NDUFA5: variants seen among roughly 807,000 people sequenced by gnomAD.
The protein encoded by NDUFA5 is NADH:ubiquinone oxidoreductase subunit A5.
Under a neutral mutation model 19.8 loss-of-function variants are expected in NDUFA5, and 11 were observed. That is an observed-to-expected ratio of 0.56 (90% CI 0.35 to 0.92). NDUFA5 has a LOEUF of 0.92. NDUFA5 is among the 40% of genes least tolerant of loss of function. The pLI, the probability that NDUFA5 is intolerant of heterozygous loss-of-function variation, is 0.01. For missense variants in NDUFA5, 109 were observed against 134.2 expected (o/e 0.81, Z 0.93); for synonymous variants, 47 against 46.8 (o/e 1.00, Z -0.01).
chr7:123,563,064 G>C, the NDUFA5 span, among the ~76,000 whole-genome samples: 1 of 152,114 alleles, frequency 6.6e-6, no homozygotes, highest in Admixed American at 6.6e-5. Flanking sequence ...GTCTCTGAAT[G>C]TGCTGGGGTT....
At chr7:123,544,791 A>G (rs933529887) in intron 4 of NDUFA5, among the ~76,000 whole-genome samples, 41 of 142,884 alleles carry the variant, frequency 2.9e-4, no homozygotes, top group Non-Finnish European at 4.6e-4. Context: ...AAAAAAAAAG[A>G]GTTATCATTA....
chr7:123,578,989 C>T, the NDUFA5 span, among the ~76,000 whole-genome samples: 3 of 152,028 alleles, frequency 2.0e-5, no homozygotes, highest in Admixed American at 6.6e-5. Flanking sequence ...GTTTGGGCTT[C>T]TATTGAACCC....
At chr7:123,590,963 CTTTTA>C in the NDUFA5 span, among the ~76,000 whole-genome samples, 265 of 152,228 alleles carry the variant, frequency 1.7e-3, no homozygotes, top group African/African-American at 6.3e-3. Flanking sequence ...TTTGTGTCTT[CTTTTA>C]TTTTATTGAG....
the NDUFA5 span, among the ~76,000 whole-genome samples, chr7:123,596,808 A>T: frequency 6.6e-6 from 1 of 152,242 alleles, no homozygotes; most frequent in Non-Finnish European, 1.5e-5. Flanking sequence ...AACAAAACAC[A>T]AATGCACATG....
chr7:123,597,466 G>GA, the NDUFA5 span, among the ~76,000 whole-genome samples: 4 of 152,108 alleles, frequency 2.6e-5, no homozygotes, highest in African/African-American at 4.8e-5. Flanking sequence ...CTATGTATAG[G>GA]AAAAAAACCA....
intron 2 of NDUFA5, chr7:123,557,158 C>T (rs768432515): frequency 4.4e-6 from 3 of 681,762 alleles, no homozygotes; most frequent in South Asian, 3.0e-5. Context: ...ACAAGTGAAG[C>T]CATGAAAATG....
Position 123,540,172 on chromosome 7 carries a change from T to C in NDUFA5, c.*1947A>G, listed in dbSNP as rs556637665. 3 of 152,334 alleles carry C rather than the reference T, an allele frequency of 2.0e-5. No individual in the cohort carries two copies. The South Asian group carries it at 6.2e-4, about 32-fold the overall frequency. The allele number at this position is 152,334 out of a possible 1,614,324, so 9.4% of individuals were successfully genotyped here. A position where few individuals can be genotyped will look rare whatever the true frequency, so the allele number is the denominator to read the frequency against. On this transcript the variant is annotated 3_prime_UTR_variant, in exon 5 of 5. Transcript: ENST00000355749. ...ATTTGTAGTATCACTCTTAGGGTTG[T>C]AGTGCAGGTTTAATGAGTGAAATTA... is the stretch of plus-strand genomic sequence containing the variant.
chr7:123,559,651 G>A (rs1177017099), upstream of NDUFA5, among the ~76,000 whole-genome samples: 1 of 152,018 alleles, frequency 6.6e-6, no homozygotes, highest in East Asian at 1.9e-4. Context: ...GAGGTCAAGG[G>A]TTTGAGACAG....
intron 2 of NDUFA5, among the ~76,000 whole-genome samples, chr7:123,551,165 T>C (rs1047918642): frequency 9.6e-4 from 145 of 151,736 alleles, no homozygotes; most frequent in Non-Finnish European, 3.1e-4. Flanking sequence ...GCTAATGACC[T>C]TTTTGGAAAT....
intron 2 of NDUFA5, 99 bp from the exon 3 acceptor site, chr7:123,550,685 GTTTTTTTTTTTTGC>G: frequency 2.2e-6 from 1 of 450,796 alleles, no homozygotes; most frequent in Admixed American, 4.4e-5. Context: ...ACTCACATCT[GTTTTTTTTTTTTGC>G]TTTTTTTTTT....
the NDUFA5 span, among the ~76,000 whole-genome samples, chr7:123,591,526 C>T: frequency 6.6e-6 from 1 of 152,064 alleles, no homozygotes; most frequent in Non-Finnish European, 1.5e-5. Flanking sequence ...TGAAGTTTGT[C>T]GAAGGCCTTT....
At chr7:123,576,388 A>C in the NDUFA5 span, among the ~76,000 whole-genome samples, 1 of 151,864 alleles carries the variant, frequency 6.6e-6, no homozygotes, top group South Asian at 2.1e-4. Context: ...CATAATTTTC[A>C]TCTGTTCAAT....
the NDUFA5 span, among the ~76,000 whole-genome samples, chr7:123,578,622 T>C: frequency 3.9e-5 from 6 of 152,056 alleles, no homozygotes; most frequent in Non-Finnish European, 5.9e-5. Context: ...TTTTTGTATA[T>C]ACTCTTTTAA....
the NDUFA5 span, among the ~76,000 whole-genome samples, chr7:123,563,093 G>A: frequency 0.017 from 2,511 of 152,136 alleles, 76 homozygotes; most frequent in African/African-American, 0.057. Flanking sequence ...GAGCCACCGC[G>A]CCTGGCCTGT....
At position 123,557,813 on chromosome 7, in the gene NDUFA5, G is replaced by C. The variant is rs1798623129; in HGVS notation, c.-18C>G. 1 of 1,613,856 alleles carries C rather than the reference G, an allele frequency of 6.2e-7. No homozygotes were observed. The highest frequency in any genetic ancestry group is 1.3e-5 in the African/African-American group (1 of 74,824). On this transcript the variant is annotated 5_prime_UTR_variant, in exon 1 of 5. Transcript: ENST00000355749. ...CCCGCCATGACAGCGCCAACGACTC[G>C]GTGACGCACAACCCTTTGGGAACAA... is the stretch of plus-strand genomic sequence containing the variant.
the NDUFA5 span, among the ~76,000 whole-genome samples, chr7:123,586,077 C>T: frequency 1.1e-4 from 16 of 151,852 alleles, 1 homozygote; most frequent in East Asian, 2.7e-3. Flanking sequence ...GATTTCAATT[C>T]CTTTAGCTAT....
chr7:123,573,606 C>T, the NDUFA5 span, among the ~76,000 whole-genome samples: 2 of 152,074 alleles, frequency 1.3e-5, no homozygotes, highest in Non-Finnish European at 2.9e-5. Context: ...AGAGCTGTGA[C>T]CCTAGCAATC....
intron 3 of NDUFA5, 196 bp downstream of exon 3, chr7:123,550,274 C>T: frequency 2.0e-6 from 1 of 488,244 alleles, no homozygotes; most frequent in East Asian, 4.1e-5. Context: ...GTCTCAAACT[C>T]CAGTATGTAA....
chr7:123,552,482 G>A (rs1798382779), intron 2 of NDUFA5, among the ~76,000 whole-genome samples: 1 of 151,930 alleles, frequency 6.6e-6, no homozygotes, highest in Non-Finnish European at 1.5e-5. Context: ...ACTGGGGCCT[G>A]TCAGTGGGTG....
Sources: gnomAD v4.1 joint callset for allele counts (sites outside exome capture counted in the v4.1 genomes callset) on GRCh38, gnomAD v4.1.1 for gene constraint, MANE v1.5 for transcripts, NCBI Gene and HGNC (gene_info 2026-07-23, HGNC 2026-07-21) for gene names.